KCNAB1: variants seen among roughly 807,000 people sequenced by gnomAD.
The protein encoded by KCNAB1 is voltage-gated potassium channel subunit beta-1.
KCNAB1 carries 35 observed loss-of-function variants against 64.6 expected under a neutral mutation model. The ratio of observed to expected loss-of-function variants is 0.54; its 90% CI spans 0.41 to 0.72. The LOEUF (loss-of-function observed/expected upper bound fraction) is 0.72. Ranked by LOEUF, KCNAB1 falls within the 30% of genes least tolerant of loss-of-function variation. The pLI, the probability that KCNAB1 is intolerant of heterozygous loss-of-function variation, is 0.00. For missense variants in KCNAB1, 401 were observed against 512.9 expected (o/e 0.78, Z 2.11); for synonymous variants, 177 against 183.8 (o/e 0.96, Z 0.30).
chr3:156,282,272 G>A (rs1458607708), intron 1 of KCNAB1, among the ~76,000 whole-genome samples: 9 of 149,486 alleles, frequency 6.0e-5, no homozygotes, highest in Admixed American at 1.3e-4. Context: ...GCAGTTGAGC[G>A]GTTTTGAGTG....
chr3:156,454,011 G>C (rs1712204843), intron 3 of KCNAB1, among the ~76,000 whole-genome samples: 1 of 152,204 alleles, frequency 6.6e-6, no homozygotes, highest in Non-Finnish European at 1.5e-5. Flanking sequence ...TTGGGAAACA[G>C]AGGCTTTTCT....
intron 1 of KCNAB1, among the ~76,000 whole-genome samples, chr3:156,229,319 G>C (rs768612549): frequency 6.6e-6 from 1 of 152,102 alleles, no homozygotes; most frequent in Non-Finnish European, 1.5e-5. Context: ...GAGGAAGAGA[G>C]TGGGGAGAGG....
intron 1 of KCNAB1, among the ~76,000 whole-genome samples, chr3:156,323,375 C>T (rs926677883): frequency 2.1e-4 from 32 of 152,090 alleles, no homozygotes; most frequent in Admixed American, 5.9e-4. Context: ...TATTAGACTT[C>T]TCCTTTATCC....
At chr3:156,187,448 G>A (rs1713275122) in intron 1 of KCNAB1, among the ~76,000 whole-genome samples, 1 of 152,144 alleles carries the variant, frequency 6.6e-6, no homozygotes, top group Non-Finnish European at 1.5e-5. Flanking sequence ...TATTCAGCAT[G>A]TCTAAAACAT....
chr3:156,133,185 C>G (rs1242196139), intron 1 of KCNAB1, among the ~76,000 whole-genome samples: 1 of 152,206 alleles, frequency 6.6e-6, no homozygotes, highest in East Asian at 1.9e-4. Context: ...TGAGAGTCAG[C>G]ATAAACAATT....
chr3:156,267,626 T>C (rs2108487714), intron 1 of KCNAB1, among the ~76,000 whole-genome samples: 1 of 152,296 alleles, frequency 6.6e-6, no homozygotes, highest in South Asian at 2.1e-4. Flanking sequence ...TATTCCCTGA[T>C]AGACAACTCA....
At chr3:156,428,417 C>T (rs1715971201) in intron 2 of KCNAB1, among the ~76,000 whole-genome samples, 1 of 151,618 alleles carries the variant, frequency 6.6e-6, no homozygotes, top group African/African-American at 2.4e-5. Flanking sequence ...GAGTCTCTAA[C>T]TTGCCAACTG....
At chr3:156,432,283 C>A (rs112466921) in intron 2 of KCNAB1, among the ~76,000 whole-genome samples, 71 of 152,208 alleles carry the variant, frequency 4.7e-4, no homozygotes, top group African/African-American at 1.7e-3. Context: ...ATTCAATTTG[C>A]CTAATTGACG....
At chr3:156,205,001 T>G (rs1714565839) in intron 1 of KCNAB1, among the ~76,000 whole-genome samples, 1 of 152,202 alleles carries the variant, frequency 6.6e-6, no homozygotes. Context: ...ATAGCCAACA[T>G]GTACAACACA....
chr3:156,187,202 A>G (rs6441047), intron 1 of KCNAB1, among the ~76,000 whole-genome samples: 111,452 of 152,048 alleles, frequency 0.73, 41,120 homozygotes, highest in East Asian at 0.9. Context: ...TTTCATCACT[A>G]ACCCTCCACC....
chr3:156,503,592 A>G (rs553981500), intron 8 of KCNAB1, among the ~76,000 whole-genome samples: 1 of 152,324 alleles, frequency 6.6e-6, no homozygotes, highest in Admixed American at 6.5e-5. Flanking sequence ...CTCTCAATTC[A>G]GGGAACTGTT....
intron 1 of KCNAB1, among the ~76,000 whole-genome samples, chr3:156,318,536 A>G (rs988190865): frequency 6.6e-6 from 1 of 151,746 alleles, no homozygotes; most frequent in South Asian, 2.1e-4. Context: ...TCAAATGTCA[A>G]CTCCATGAGG....
intron 12 of KCNAB1, among the ~76,000 whole-genome samples, chr3:156,530,571 T>C (rs1254326850): frequency 6.6e-6 from 1 of 152,138 alleles, no homozygotes; most frequent in Non-Finnish European, 1.5e-5. Flanking sequence ...CACCAGACCA[T>C]GAACTGTGAG....
At chr3:156,203,821 A>C (rs577328826) in intron 1 of KCNAB1, among the ~76,000 whole-genome samples, 1 of 152,332 alleles carries the variant, frequency 6.6e-6, no homozygotes, top group Admixed American at 6.5e-5. Context: ...TACAGAAATA[A>C]TATTTTCTAA....
intron 1 of KCNAB1, among the ~76,000 whole-genome samples, chr3:156,333,438 A>G (rs1216178874): frequency 6.6e-6 from 1 of 152,036 alleles, no homozygotes; most frequent in Non-Finnish European, 1.5e-5. Flanking sequence ...TTAATAATAT[A>G]TCTTAAAATC....
chr3:156,306,209 TGTG>T (rs1721482031), intron 1 of KCNAB1, among the ~76,000 whole-genome samples: 1 of 151,868 alleles, frequency 6.6e-6, no homozygotes, highest in African/African-American at 2.4e-5. Flanking sequence ...GTTGATCTGA[TGTG>T]GTGCACAGAA....
At chr3:156,184,611 G>C (rs779488760) in intron 1 of KCNAB1, among the ~76,000 whole-genome samples, 2 of 152,112 alleles carry the variant, frequency 1.3e-5, no homozygotes, top group Non-Finnish European at 2.9e-5. Context: ...AAGGACACAG[G>C]TATCTAAGAA....
chr3:156,417,310 G>A (rs1301092882), intron 1 of KCNAB1, among the ~76,000 whole-genome samples: 1 of 152,196 alleles, frequency 6.6e-6, no homozygotes, highest in Non-Finnish European at 1.5e-5. Flanking sequence ...TTCAAATAGA[G>A]TGAGACAGCA....
Position 156,363,317 on chromosome 3 carries a change from C to G in KCNAB1, c.276-58299C>G, listed in dbSNP as rs987608404. ...TATTTATTCATTTGTTTTTGCTACT[C>G]TGACTGTATGTCCAGCCAAAATGGA... On this transcript the variant is annotated intron_variant, in intron 1 of 13. Transcript: ENST00000490337. 2.6e-5 allele frequency among the ~76,000 whole-genome samples: 4 copies of G among 152,174 alleles called. No homozygotes were observed. The South Asian group carries it at 8.3e-4, about 31-fold the overall frequency.
Sources: gnomAD v4.1 joint callset for allele counts (sites outside exome capture counted in the v4.1 genomes callset) on GRCh38, gnomAD v4.1.1 for gene constraint, MANE v1.5 for transcripts, NCBI Gene and HGNC (gene_info 2026-07-23, HGNC 2026-07-21) for gene names.